RPH3AL: variants seen among roughly 807,000 people sequenced by gnomAD.
RPH3AL encodes rabphilin 3A like (without C2 domains), also known as rab effector Noc2.
RPH3AL carries 38 observed loss-of-function variants against 43.1 expected under a neutral mutation model. The ratio of observed to expected loss-of-function variants is 0.88; its 90% CI spans 0.68 to 1.15. RPH3AL has a LOEUF of 1.15. RPH3AL is among the 50% of genes most tolerant of loss of function. The pLI is 0.00. For synonymous variants in RPH3AL, 189 were observed against 176.3 expected (o/e 1.07, Z -0.57); for missense variants, 462 against 423.2 (o/e 1.09, Z -0.81).
At chr17:311,169 G>C (rs72477017) in intron 5 of RPH3AL, among the ~76,000 whole-genome samples, 2 of 152,146 alleles carry the variant, frequency 1.3e-5, no homozygotes, top group African/African-American at 4.8e-5. Flanking sequence ...AAAGATCTCA[G>C]CTCTGCCCTC....
In RPH3AL at chr17:213,490, C is replaced by T. The variant is rs780696655; in HGVS notation, c.*362G>A. 2.5e-4 allele frequency: 88 copies of T among 357,266 alleles called. No individual in the cohort carries two copies. The highest frequency in any genetic ancestry group is 3.1e-4 in the Non-Finnish European group (60 of 190,692). 22.1% of individuals were successfully genotyped at this position (357,266 alleles called of 1,614,324 possible). A position where few individuals can be genotyped will look rare whatever the true frequency, so the allele number is the denominator to read the frequency against. ...TTTAGTCTTGCCATTAATATAGCAACGGAGATAGCCCCACCGGGCGGCCCC... is the reference window on the plus strand; with the variant it reads ...TTTAGTCTTGCCATTAATATAGCAATGGAGATAGCCCCACCGGGCGGCCCC... On this transcript the variant is annotated 3_prime_UTR_variant, in exon 10 of 10. Coordinates refer to ENST00000331302, the MANE Select transcript of RPH3AL (RefSeq NM_006987.4).
chr17:273,547 CG>C (rs1453503855), intron 6 of RPH3AL, among the ~76,000 whole-genome samples: 1 of 114,844 alleles, frequency 8.7e-6, no homozygotes, highest in African/African-American at 3.4e-5. Flanking sequence ...GCGAGGGTGA[CG>C]TCAGGGAGAG....
intron 7 of RPH3AL, 39 bp from the exon 8 acceptor site, chr17:219,775 C>A (rs377186717): frequency 2.7e-6 from 4 of 1,470,974 alleles, no homozygotes; most frequent in South Asian, 2.3e-5. Context: ...GTCACCCGAC[C>A]AGCCCCTACC....
intron 1 of RPH3AL, among the ~76,000 whole-genome samples, chr17:351,558 C>G (rs1242946429): frequency 6.6e-6 from 1 of 152,152 alleles, no homozygotes; most frequent in Non-Finnish European, 1.5e-5. Context: ...CCTCCTGCAC[C>G]CCGCCTGTCT....
At chr17:221,566 T>C (rs1274199239) in intron 7 of RPH3AL, among the ~76,000 whole-genome samples, 28 of 90,586 alleles carry the variant, frequency 3.1e-4, no homozygotes, top group Non-Finnish European at 4.7e-4. Context: ...ACTGAGACAA[T>C]AGACCCAAGC....
chr17:327,951 G>A (rs2044656900), intron 2 of RPH3AL, among the ~76,000 whole-genome samples: 2 of 152,166 alleles, frequency 1.3e-5, no homozygotes, highest in Non-Finnish European at 2.9e-5. Context: ...GGGCCGAACT[G>A]AGCACGTCAC....
At chr17:280,163 C>T (rs191378995) in intron 6 of RPH3AL, among the ~76,000 whole-genome samples, 6 of 152,290 alleles carry the variant, frequency 3.9e-5, no homozygotes, top group Admixed American at 2.0e-4. Flanking sequence ...AAGGCACAGC[C>T]GCTTGCTGAG....
chr17:298,712 A>AAC (rs112784192), intron 5 of RPH3AL, among the ~76,000 whole-genome samples: 128,747 of 151,436 alleles, frequency 0.85, 55,081 homozygotes, highest in East Asian at 0.97. Flanking sequence ...CTCAAAAAAA[A>AAC]AAAAAAACTC....
Position 321,413 on chromosome 17 carries a change from A to G in RPH3AL, c.80T>C (p.Leu27Pro). ...NDRQLALRAKLQTGWSVHTYQ... is the reference protein window; with the variant it reads ...NDRQLALRAKPQTGWSVHTYQ... Reference sequence around the variant, plus strand: ...GGTGTGCACGGACCAGCCCGTCTGCAGCCTCGAGAGGGAACAGCACAGACG... The same window carrying G: ...GGTGTGCACGGACCAGCCCGTCTGCGGCCTCGAGAGGGAACAGCACAGACG... Residue 27 changes from leucine (L) to proline (P), a missense_variant and splice_region_variant, in exon 4 of 10, where the codon CTG becomes CCG. Coordinates refer to ENST00000331302, the MANE Select transcript of RPH3AL (RefSeq NM_006987.4). 1 of 1,605,256 alleles carries G rather than the reference A, an allele frequency of 6.2e-7. No individual in the cohort carries two copies. Among genetic ancestry groups the G allele is most frequent in the Non-Finnish European group, 8.5e-7 (1 of 1,177,810 alleles).
intron 7 of RPH3AL, among the ~76,000 whole-genome samples, chr17:244,153 G>A (rs1240815199): frequency 1.4e-5 from 2 of 141,868 alleles, no homozygotes; most frequent in Admixed American, 1.4e-4. Flanking sequence ...TTCCTCTATT[G>A]ATTACCCTTC....
At chr17:338,180 G>A (rs2151726151) in intron 1 of RPH3AL, among the ~76,000 whole-genome samples, 1 of 152,316 alleles carries the variant, frequency 6.6e-6, no homozygotes, top group South Asian at 2.1e-4. Flanking sequence ...AGGGAAACCA[G>A]GCTGGGCGTG....
chr17:288,615 G>A lies in RPH3AL; in HGVS notation c.352-6761C>T, dbSNP rs796624233. Among the ~76,000 whole-genome samples the A allele has an allele frequency of 3.1e-3, 18 of 5,768 alleles. 6 individuals carry two copies. Among genetic ancestry groups the A allele is most frequent in the Non-Finnish European group, 6.5e-3 (14 of 2,144 alleles). The allele number at this position is 5,768 out of a possible 152,430, so 3.8% of individuals were successfully genotyped here. A position where few individuals can be genotyped will look rare whatever the true frequency, so the allele number is the denominator to read the frequency against. The stretch of plus-strand genomic sequence containing the variant: ...CACCCTCTCTCCACCGTCAGACCTC[G>A]CACCCTCTCTCTCCACCGTCAGACC... On this transcript the variant is annotated intron_variant, in intron 5 of 9. Transcript: ENST00000331302.
chr17:321,394 C>T lies in RPH3AL; in HGVS notation c.99G>A (p.Val33=), dbSNP rs201368089. 153 of 1,609,670 alleles carry T rather than the reference C, an allele frequency of 9.5e-5. No individual in the cohort carries two copies. The highest frequency in any genetic ancestry group is 1.3e-4 in the Non-Finnish European group (148 of 1,179,678). The change falls in exon 4 of 10, where the codon GTG becomes GTA. Residue 33 remains valine, a synonymous_variant. Coordinates refer to ENST00000331302, the MANE Select transcript of RPH3AL (RefSeq NM_006987.4). ...TCTGCTTCTCCGTCTGGTAGGTGTG[C>T]ACGGACCAGCCCGTCTGCAGCCTCG... ...LRAKLQTGWS[V]HTYQTEKQRR...
Position 345,659 on chromosome 17 carries a change from ACGCGTGCTCCC to A in RPH3AL, c.-213+7042_-213+7052del, listed in dbSNP as rs1282622114. Among the ~76,000 whole-genome samples, 4 of 76,868 alleles carry A rather than the reference ACGCGTGCTCCC, an allele frequency of 5.2e-5. 1 individual carries two copies. Among genetic ancestry groups the A allele is most frequent in the Non-Finnish European group, 1.4e-4 (4 of 28,472 alleles). The allele number at this position is 76,868 out of a possible 152,430, so 50.4% of individuals were successfully genotyped here. A position where few individuals can be genotyped will look rare whatever the true frequency, so the allele number is the denominator to read the frequency against. ...ATCTGCACGCACACCCTGCTGGGGCACGCGTGCTCCCCATCTGCGCGCACACCCTGCTGGGG... is the reference window on the plus strand; with the variant it reads ...ATCTGCACGCACACCCTGCTGGGGCACATCTGCGCGCACACCCTGCTGGGG... On this transcript the variant is annotated intron_variant, in intron 1 of 9. Coordinates refer to ENST00000331302, the MANE Select transcript of RPH3AL (RefSeq NM_006987.4).
intron 3 of RPH3AL, among the ~76,000 whole-genome samples, chr17:324,707 G>GC (rs1567524419): frequency 7.7e-6 from 1 of 130,508 alleles, no homozygotes; most frequent in Non-Finnish European, 1.6e-5. Context: ...AGCTAGCTAT[G>GC]TACCTATCTA....
chr17:345,639 C>T (rs2045220301), intron 1 of RPH3AL, among the ~76,000 whole-genome samples: 1 of 117,700 alleles, frequency 8.5e-6, no homozygotes, highest in Non-Finnish European at 2.0e-5. Flanking sequence ...TCCCCATCTG[C>T]ACGCACACCC....
intron 7 of RPH3AL, among the ~76,000 whole-genome samples, chr17:241,082 T>TAATAAC (rs2041521894): frequency 2.8e-5 from 1 of 35,842 alleles, no homozygotes; most frequent in African/African-American, 9.9e-5. Context: ...ATAATAATAA[T>TAATAAC]AATAATAATA....
At chr17:234,525 A>G in intron 7 of RPH3AL, 1 of 159,744 alleles carries the variant, frequency 6.3e-6, no homozygotes, top group Non-Finnish European at 1.4e-5. Context: ...ATGAATTTTA[A>G]GCAGTAGGCC....
At chr17:302,196 C>T (rs961037145) in intron 5 of RPH3AL, among the ~76,000 whole-genome samples, 2 of 152,260 alleles carry the variant, frequency 1.3e-5, no homozygotes, top group East Asian at 3.8e-4. Context: ...TGAGCCCGAG[C>T]TGCCTGGGAG....
Sources: allele counts gnomAD v4.1 joint callset (sites outside exome capture counted in the v4.1 genomes callset), GRCh38; gene constraint gnomAD v4.1.1; transcripts MANE v1.5; gene names NCBI Gene and HGNC (gene_info 2026-07-23, HGNC 2026-07-21).